Variants in MGAT4A observed in about 807,000 individuals in gnomAD.
MGAT4A encodes alpha-1,3-mannosyl-glycoprotein 4-beta-N-acetylglucosaminyltransferase A, also known as N-acetylglucosaminyltransferase IVa.
MGAT4A carries 33 observed loss-of-function variants against 74.1 expected under a neutral mutation model. The ratio of observed to expected loss-of-function variants is 0.45; its 90% confidence interval spans 0.34 to 0.60. MGAT4A has a LOEUF of 0.60. Among genes scored for constraint, MGAT4A ranks in the 20% least tolerant of loss-of-function variants. MGAT4A has a pLI of 0.02. For missense variants in MGAT4A, 479 were observed against 628.3 expected, an observed-to-expected ratio of 0.76 and a Z score of 2.54; for synonymous variants, 198 against 210.4, an observed-to-expected ratio of 0.94 and a Z score of 0.51.
chr2:98,629,662 A>G (rs1378517715), intron 14 of MGAT4A, among the ~76,000 whole-genome samples: 1 of 152,238 alleles, frequency 6.6e-6, no homozygotes, highest in Non-Finnish European at 1.5e-5. Flanking sequence ...CAACCTAAGT[A>G]TCCATCACTA....
chr2:98,645,699 A>C (rs913123268), intron 8 of MGAT4A, among the ~76,000 whole-genome samples, 157 bp from the exon 9 acceptor site: 6 of 152,232 alleles, frequency 3.9e-5, no homozygotes, highest in Non-Finnish European at 7.3e-5. Flanking sequence ...TATTAAAAGA[A>C]AGTGAAGAAA....
At chr2:98,677,771 T>A (rs1701995441) in intron 3 of MGAT4A, among the ~76,000 whole-genome samples, 1 of 149,708 alleles carries the variant, frequency 6.7e-6, no homozygotes, top group Non-Finnish European at 1.5e-5. Context: ...TTAATATGAC[T>A]CTCTTAAAAT....
At chr2:98,676,573 G>T (rs1355012946) in intron 3 of MGAT4A, among the ~76,000 whole-genome samples, 1 of 152,076 alleles carries the variant, frequency 6.6e-6, no homozygotes, top group Non-Finnish European at 1.5e-5. Context: ...CCAGAAATAT[G>T]ATTGCTTTAT....
chr2:98,650,072 A>G (rs1031289559), intron 8 of MGAT4A, among the ~76,000 whole-genome samples: 9 of 152,212 alleles, frequency 5.9e-5, no homozygotes, highest in African/African-American at 2.2e-4. Flanking sequence ...GAGAATATCA[A>G]TAGAGATAGA....
chr2:98,624,748 A>C lies in MGAT4A; in HGVS notation c.*818T>G, dbSNP rs1344857030. ...GTTAAGTCTACAATAATCTGGGTTG[A>C]ATGCATCACACTTACACATTGAAAA... On this transcript the variant is annotated 3_prime_UTR_variant, in exon 16 of 16. Transcript: ENST00000393487. 1 of 983,726 alleles carries C rather than the reference A, an allele frequency of 1.0e-6. No individual in the cohort carries two copies. The highest frequency in any genetic ancestry group is 1.2e-6 in the Non-Finnish European group (1 of 828,114). The allele number at this position is 983,726 out of a possible 1,614,324, so 60.9% of individuals were successfully genotyped here.
At chr2:98,711,472 T>C (rs1444276379) in intron 2 of MGAT4A, among the ~76,000 whole-genome samples, 3 of 152,092 alleles carry the variant, frequency 2.0e-5, no homozygotes, top group Non-Finnish European at 4.4e-5. Flanking sequence ...TGAGAATTAC[T>C]ATTAACTTTA....
intron 4 of MGAT4A, among the ~76,000 whole-genome samples, chr2:98,670,971 T>C (rs956326102): frequency 2.0e-5 from 3 of 152,186 alleles, no homozygotes; most frequent in African/African-American, 4.8e-5. Flanking sequence ...CAAATTATCA[T>C]ATTCAAATTT....
chr2:98,670,667 T>A (rs1447945658), intron 4 of MGAT4A, among the ~76,000 whole-genome samples: 1 of 152,218 alleles, frequency 6.6e-6, no homozygotes, highest in Non-Finnish European at 1.5e-5. Flanking sequence ...TATTCCTCAT[T>A]GCTTTCCTTA....
At chr2:98,681,335 T>C (rs1702057232) in intron 2 of MGAT4A, among the ~76,000 whole-genome samples, 2 of 152,182 alleles carry the variant, frequency 1.3e-5, no homozygotes. Context: ...ATAATTCTAA[T>C]ATTTATCTAG....
chr2:98,708,113 T>C (rs1702464929), intron 2 of MGAT4A, among the ~76,000 whole-genome samples: 1 of 152,022 alleles, frequency 6.6e-6, no homozygotes, highest in Non-Finnish European at 1.5e-5. Flanking sequence ...ATGCAGTCAA[T>C]GTTAGGGGTA....
chr2:98,621,656 G>C lies in MGAT4A; in HGVS notation c.*3910C>G, dbSNP rs1045241134. On this transcript the variant is annotated 3_prime_UTR_variant, in exon 16 of 16. Coordinates refer to ENST00000393487, the MANE Select transcript of MGAT4A (RefSeq NM_012214.3). ...GTCATTGGTGGGGGTGTCAGTAGGG[G>C]TCATTCTTAGAAATTTGCCTACCAC... 1.9e-5 allele frequency: 27 copies of C among 1,434,864 alleles called. No homozygotes were observed. Among genetic ancestry groups the C allele is most frequent in the Middle Eastern group, 1.8e-4 (1 of 5,496 alleles). The allele number at this position is 1,434,864 out of a possible 1,614,324, so 88.9% of individuals were successfully genotyped here. A position where few individuals can be genotyped will look rare whatever the true frequency, so the allele number is the denominator to read the frequency against.
Position 98,726,308 on chromosome 2 carries a change from C to T in MGAT4A, c.25G>A (p.Ala9Thr), listed in dbSNP as rs765110052. The change falls in exon 2 of 16, where the codon GCC becomes ACC. Residue 9 changes from alanine (A) to threonine (T), a missense_variant. Coordinates refer to ENST00000393487, the MANE Select transcript of MGAT4A (RefSeq NM_012214.3). The stretch of plus-strand genomic sequence containing the variant: ...GAAGTGATAAATGCTAAAGCAGTGG[C>T]TACAGTTCCATTGCGGAGCCTCATC... MRLRNGTV[A>T]TALAFITSFL... The T allele has an allele frequency of 6.2e-7, 1 of 1,614,014 alleles. No individual in the cohort carries two copies. The highest frequency in any genetic ancestry group is 1.1e-5 in the South Asian group (1 of 91,072).
rs3067257 is a variant in MGAT4A, at chr2:98,665,333, CAAAAAAA to C, written c.404-2161_404-2155del. Among the ~76,000 whole-genome samples, 5 of 114,864 alleles carry C rather than the reference CAAAAAAA, an allele frequency of 4.4e-5. No individual in the cohort carries two copies. In the East Asian group the frequency reaches 1.2e-3, roughly 28 times the overall value. 75.4% of individuals were successfully genotyped at this position (114,864 alleles called of 152,430 possible). ...AACACAGCAAGACTCCATCTCATCT[CAAAAAAA>C]AAAAAAAAAAGAATTCTAATGCCAG... On this transcript the variant is annotated intron_variant, in intron 4 of 15. Transcript: ENST00000393487.
At chr2:98,726,024 TATA>T in intron 2 of MGAT4A, 1 of 482,528 alleles carries the variant, frequency 2.1e-6, no homozygotes, top group Non-Finnish European at 3.7e-6. Context: ...CAAGTACAAT[TATA>T]AGAAACTGAA....
At chr2:98,661,291 G>A (rs1040127055) in intron 5 of MGAT4A, among the ~76,000 whole-genome samples, 5 of 152,018 alleles carry the variant, frequency 3.3e-5, no homozygotes, top group African/African-American at 9.7e-5. Context: ...GAAAAGAAAC[G>A]GATGGATATA....
chr2:98,729,668 T>C (rs1702816935), intron 1 of MGAT4A, among the ~76,000 whole-genome samples: 1 of 152,228 alleles, frequency 6.6e-6, no homozygotes, highest in South Asian at 2.1e-4. Flanking sequence ...TTCATTTTAT[T>C]ATTGGATACA....
chr2:98,654,278 T>C (rs1701626993), intron 8 of MGAT4A, among the ~76,000 whole-genome samples: 1 of 152,130 alleles, frequency 6.6e-6, no homozygotes, highest in Non-Finnish European at 1.5e-5. Flanking sequence ...CTTTCACCAC[T>C]ACTAGTCAAC....
chr2:98,647,823 T>G (rs1401544503), intron 8 of MGAT4A, among the ~76,000 whole-genome samples: 1 of 152,242 alleles, frequency 6.6e-6, no homozygotes. Context: ...GGTATGTCTA[T>G]GACAATCACA....
rs1701088653 is a variant in MGAT4A at position 98,623,229 on chromosome 2, C to A, written c.*2337G>T. On this transcript the variant is annotated 3_prime_UTR_variant, in exon 16 of 16. Transcript: ENST00000393487. ...GGAACAAGAATGAGTTTCTTGGGAACAACAGGTGGACCAATGCTGGGAGGG... is the reference window on the plus strand; with the variant it reads ...GGAACAAGAATGAGTTTCTTGGGAAAAACAGGTGGACCAATGCTGGGAGGG... The A allele has an allele frequency of 1.0e-6, 1 of 985,140 alleles. No individual in the cohort carries two copies. Among genetic ancestry groups the A allele is most frequent in the Non-Finnish European group, 1.2e-6 (1 of 829,938 alleles). 61.0% of individuals were successfully genotyped at this position (985,140 alleles called of 1,614,324 possible).
Sources: gnomAD v4.1 joint callset for allele counts (sites outside exome capture counted in the v4.1 genomes callset) on GRCh38, gnomAD v4.1.1 for gene constraint, MANE v1.5 for transcripts, NCBI Gene and HGNC (gene_info 2026-07-23, HGNC 2026-07-21) for gene names.